TSPOAP1: variants seen among roughly 807,000 people sequenced by gnomAD.
TSPOAP1 encodes TSPO associated protein 1.
A neutral mutation model predicts 197.0 loss-of-function variants in TSPOAP1; 87 were observed. The observed-to-expected ratio is 0.44, with a 90% CI of 0.37 to 0.53. The LOEUF (loss-of-function observed/expected upper bound fraction) is 0.53. Among genes scored for constraint, TSPOAP1 ranks in the 20% least tolerant of loss-of-function variants. TSPOAP1 has a pLI of 0.00. For missense variants in TSPOAP1, 2,174 were observed against 2,411.3 expected (o/e 0.90, Z 2.06); for synonymous variants, 913 against 998.9 (o/e 0.91, Z 1.62).
Position 58,306,986 on chromosome 17 carries a change from G to C in TSPOAP1, c.4984-18C>G. 2 of 1,608,774 alleles carry C rather than the reference G, an allele frequency of 1.2e-6. No homozygotes were observed. The highest frequency in any genetic ancestry group is 1.7e-6 in the Non-Finnish European group (2 of 1,178,568). ...CCAAACACCTGGAGGCAAAACCAGT[G>C]GTCTCAGCCAGTTCTGCTCACTCCC... On this transcript the variant is annotated intron_variant, in intron 24 of 31. Transcript: ENST00000343736.
At chr17:58,321,578 A>T (rs1206042706) in intron 10 of TSPOAP1, among the ~76,000 whole-genome samples, 1 of 152,206 alleles carries the variant, frequency 6.6e-6, no homozygotes, top group Non-Finnish European at 1.5e-5. Flanking sequence ...GATGACAGGC[A>T]TGAGCCACCA....
At chr17:58,321,638 C>T (rs1027363174) in intron 10 of TSPOAP1, among the ~76,000 whole-genome samples, 3 of 152,116 alleles carry the variant, frequency 2.0e-5, no homozygotes, top group African/African-American at 7.2e-5. Context: ...AACTCAAACC[C>T]AGGCACTTGT....
Position 58,319,138 on chromosome 17 carries a change from G to T in TSPOAP1, c.1651C>A (p.Pro551Thr), listed in dbSNP as rs369131510. 6.4e-7 allele frequency: 1 copy of T among 1,550,666 alleles called. No individual in the cohort carries two copies. The highest frequency in any genetic ancestry group is 1.2e-5 in the South Asian group (1 of 84,404). Residue 551 changes from proline (P) to threonine (T), a missense_variant, in exon 13 of 32, where the codon CCC becomes ACC. By Grantham distance (38) the Pro-to-Thr change is conservative (BLOSUM62 -1). Transcript: ENST00000343736. ...GGCTGGGGAATGGAGCAGCAGCAGGGGGGTGGTGGGCAGTCTCCAAGGCTC... is the reference window on the plus strand; with the variant it reads ...GGCTGGGGAATGGAGCAGCAGCAGGTGGGTGGTGGGCAGTCTCCAAGGCTC... ...CGSLGDCPPPPCCCSIPQPCR... is the reference protein window; with the variant it reads ...CGSLGDCPPPTCCCSIPQPCR...
chr17:58,302,332 A>T lies in TSPOAP1; in HGVS notation c.*148T>A. Reference sequence around the variant, plus strand: ...CTTCCCCTTGGAGAAGAAACCCCACACCTTCTCGCTTCTGCCCTGGGGCTC... The same window carrying T: ...CTTCCCCTTGGAGAAGAAACCCCACTCCTTCTCGCTTCTGCCCTGGGGCTC... On this transcript the variant is annotated 3_prime_UTR_variant, in exon 32 of 32. Transcript: ENST00000343736. 1 of 1,289,344 alleles carries T rather than the reference A, an allele frequency of 7.8e-7. No homozygotes were observed. The highest frequency in any genetic ancestry group is 1.0e-6 in the Non-Finnish European group (1 of 988,704). The allele number at this position is 1,289,344 out of a possible 1,614,324, so 79.9% of individuals were successfully genotyped here.
At position 58,324,850 on chromosome 17, in the gene TSPOAP1, C is replaced by T; in HGVS notation, c.903G>A (p.Gln301=). 1.3e-6 allele frequency: 2 copies of T among 1,525,988 alleles called. No individual in the cohort carries two copies. Among genetic ancestry groups the T allele is most frequent in the East Asian group, 2.5e-5 (1 of 40,662 alleles). 94.5% of individuals were successfully genotyped at this position (1,525,988 alleles called of 1,614,324 possible). ...PPSWPPGPAL[Q]ARAGAPAPGA... is the part of the protein sequence containing the mutation. Reference sequence around the variant, plus strand: ...CGGGAGCAGGCGCCCCTGCTCTGGCCTGGAGAGCAGGGCCCGGGGGCCAGG... The same window carrying T: ...CGGGAGCAGGCGCCCCTGCTCTGGCTTGGAGAGCAGGGCCCGGGGGCCAGG... Residue 301 remains glutamine (Q), a synonymous_variant, in exon 5 of 32, where the codon CAG becomes CAA. Transcript: ENST00000343736. This position sits in a 1 kb window ranked among gnomAD's most constrained non-coding sequence, Gnocchi z 5.8.
rs1250388788 is a variant in TSPOAP1, at chr17:58,309,317, G to A, written c.3955C>T (p.Leu1319=). 1 of 1,613,676 alleles carries A rather than the reference G, an allele frequency of 6.2e-7. No individual in the cohort carries two copies. ...DEEILEQILE[L]PLQQFCSKKL... The stretch of plus-strand genomic sequence containing the variant: ...TTGCTACAGAACTGCTGGAGGGGCA[G>A]CTCCAGGATCTGCTCCAAGATCTCC... The change falls in exon 22 of 32, where the codon CTG becomes TTG. Residue 1319 remains leucine, a synonymous_variant. Coordinates refer to ENST00000343736, the MANE Select transcript of TSPOAP1 (RefSeq NM_004758.4). This position sits in a 1 kb window ranked among gnomAD's most constrained non-coding sequence, Gnocchi z 5.0.
Position 58,326,452 on chromosome 17 carries a change from G to A in TSPOAP1, c.442-31C>T, listed in dbSNP as rs757151332. On this transcript the variant is annotated intron_variant, in intron 2 of 31. Coordinates refer to ENST00000343736, the MANE Select transcript of TSPOAP1 (RefSeq NM_004758.4). The surrounding 1 kb of genome is among the most constrained non-coding windows in gnomAD (Gnocchi z 4.7). ...AAGGGGTCAGGCAGAATTGGGGCAT[G>A]TAGGGAGCACCCCACAGACCCAGTC... The A allele has an allele frequency of 3.7e-6, 6 of 1,611,082 alleles. No homozygotes were observed. The African/African-American group carries it at 4.0e-5, about 11-fold the overall frequency.
At position 58,309,989 on chromosome 17, in the gene TSPOAP1, C is replaced by T; in HGVS notation, c.3869G>A (p.Ser1290Asn). Residue 1290 changes from serine (S) to asparagine (N), a missense_variant, in exon 21 of 32, where the codon AGC (serine) becomes AAC (asparagine). This residue lies in a region of TSPOAP1 where 1,933 missense variants were observed against 2,139.0 expected (regional missense o/e 0.90). Transcript: ENST00000343736. This position sits in a 1 kb window ranked among gnomAD's most constrained non-coding sequence, Gnocchi z 5.0. ...TACCTTGGCCCCATTCTCCCTGATGCTGTTGCCAGCAACCTGCTTCTGGAA... is the reference window on the plus strand; with the variant it reads ...TACCTTGGCCCCATTCTCCCTGATGTTGTTGCCAGCAACCTGCTTCTGGAA... ...CSFQKQVAGN[S>N]IRENGAKSQP... is the part of the protein sequence containing the mutation. 2 of 1,613,380 alleles carry T rather than the reference C, an allele frequency of 1.2e-6. No homozygotes were observed. The highest frequency in any genetic ancestry group is 1.7e-6 in the Non-Finnish European group (2 of 1,179,716).
At chr17:58,316,281 C>T (rs1306116966) in intron 15 of TSPOAP1, 144 bp downstream of exon 15, 1 of 1,053,800 alleles carries the variant, frequency 9.5e-7, no homozygotes, top group South Asian at 1.4e-5. Context: ...CTGCACCCAC[C>T]TTGGCCCAAC....
At chr17:58,327,178 C>T (rs929135261) in intron 1 of TSPOAP1, among the ~76,000 whole-genome samples, 12 of 152,076 alleles carry the variant, frequency 7.9e-5, no homozygotes, top group African/African-American at 2.9e-4. Flanking sequence ...CTCAGCCCAG[C>T]ACCAAGCCCC....
intron 25 of TSPOAP1, 60 bp from the exon 26 acceptor site, chr17:58,306,473 C>T: frequency 6.9e-7 from 1 of 1,450,266 alleles, no homozygotes; most frequent in Non-Finnish European, 9.4e-7. Context: ...AGGACTGGGA[C>T]TCTGGAGTTT....
At chr17:58,317,048 T>C (rs1234789685) in intron 14 of TSPOAP1, among the ~76,000 whole-genome samples, 1 of 151,990 alleles carries the variant, frequency 6.6e-6, no homozygotes, top group Admixed American at 6.6e-5. Context: ...ATACAAAAAT[T>C]AGCTGGGTGT....
chr17:58,322,624 C>G lies in TSPOAP1; in HGVS notation c.1317+30G>C. On this transcript the variant is annotated intron_variant, in intron 9 of 31. Transcript: ENST00000343736. This position sits in a 1 kb window ranked among gnomAD's most constrained non-coding sequence, Gnocchi z 5.0. ...ACTTGCTCCCCATGCCAGGGCCCAG[C>G]ACCCTCTCCCACCTGCACCATCTCC... The G allele has an allele frequency of 1.9e-6, 3 of 1,605,070 alleles. No individual in the cohort carries two copies. Among genetic ancestry groups the G allele is most frequent in the Non-Finnish European group, 2.5e-6 (3 of 1,179,526 alleles).
chr17:58,310,042 T>TTCCTCC lies in TSPOAP1; in HGVS notation c.3810_3815dup (p.Glu1273_Glu1274dup), dbSNP rs745797044. 2.8e-5 allele frequency: 45 copies of TTCCTCC among 1,612,634 alleles called. No individual in the cohort carries two copies. The highest frequency in any genetic ancestry group is 1.6e-4 in the Middle Eastern group (1 of 6,084). ...AGCAAGTCCTGGAACCCAGCTCCTCTTCCTCCTCCTCCTCCTCCTCTTCCT... is the reference window on the plus strand; with the variant it reads ...AGCAAGTCCTGGAACCCAGCTCCTCTTCCTCCTCCTCCTCCTCCTCCTCCTCTTCCT... On this transcript the variant is annotated inframe_insertion, in exon 21 of 32. Coordinates refer to ENST00000343736, the MANE Select transcript of TSPOAP1 (RefSeq NM_004758.4).
In TSPOAP1 at chr17:58,305,539, C is replaced by A. The variant is rs1183063471; in HGVS notation, c.5361+1G>T. On this transcript the variant is annotated splice_donor_variant, in intron 28 of 31. Coordinates refer to ENST00000343736, the MANE Select transcript of TSPOAP1 (RefSeq NM_004758.4). LOFTEE classifies it high-confidence loss of function. ...GCTGGGCTCTATCTGAGGGTCCTCA[C>A]CTCCACGTCCATATTGGGGGAACTC... is the stretch of plus-strand genomic sequence containing the variant. 6.2e-7 allele frequency: 1 copy of A among 1,606,336 alleles called. No individual in the cohort carries two copies. Among genetic ancestry groups the A allele is most frequent in the Non-Finnish European group, 8.5e-7 (1 of 1,176,440 alleles).
chr17:58,321,337 G>A (rs969267177), intron 10 of TSPOAP1, among the ~76,000 whole-genome samples: 5 of 149,388 alleles, frequency 3.3e-5, no homozygotes, highest in East Asian at 2.0e-4. Flanking sequence ...TCGCTCTGTC[G>A]CCCAGGCTGG....
Position 58,312,221 on chromosome 17 carries a change from C to A in TSPOAP1, c.2600G>T (p.Ser867Ile). The A allele has an allele frequency of 6.2e-7, 1 of 1,612,870 alleles. No homozygotes were observed. Among genetic ancestry groups the A allele is most frequent in the Non-Finnish European group, 8.5e-7 (1 of 1,179,906 alleles). ...ISVQALTSRG[S>I]SDPLRCCLAV... ...CAAGCAACAGCGCAGTGGGTCAGAGCTGCCCCGGCTAGTCAGGGCCTGGAC... is the reference window on the plus strand; with the variant it reads ...CAAGCAACAGCGCAGTGGGTCAGAGATGCCCCGGCTAGTCAGGGCCTGGAC... Residue 867 changes from serine to isoleucine, a missense_variant, in exon 17 of 32, where the codon AGC (serine) becomes ATC (isoleucine). Coordinates refer to ENST00000343736, the MANE Select transcript of TSPOAP1 (RefSeq NM_004758.4).
chr17:58,310,999 C>T lies in TSPOAP1; in HGVS notation c.3296G>A (p.Arg1099Lys). The T allele has an allele frequency of 1.2e-6, 2 of 1,600,316 alleles. No homozygotes were observed. Among genetic ancestry groups the T allele is most frequent in the African/African-American group, 1.3e-5 (1 of 74,706 alleles). Residue 1099 changes from arginine (R) to lysine (K), a missense_variant, in exon 19 of 32, where the codon AGA (arginine) becomes AAA (lysine). Coordinates refer to ENST00000343736, the MANE Select transcript of TSPOAP1 (RefSeq NM_004758.4). ...CPSPHPSPEA[R>K]APLASASPGP... is the part of the protein sequence containing the mutation. ...TGGGGAGGCTGAAGCAAGGGGCGCT[C>T]TGGCCTCTGGGCTTGGGTGCGGTGA...
chr17:58,310,915 G>A lies in TSPOAP1; in HGVS notation c.3380C>T (p.Pro1127Leu). 6.4e-7 allele frequency: 1 copy of A among 1,551,478 alleles called. No homozygotes were observed. Among genetic ancestry groups the A allele is most frequent in the Non-Finnish European group, 8.7e-7 (1 of 1,154,330 alleles). ...AGGGCTTGCAGGGGGTGCTCCTGGA[G>A]GCTCTTGAGTTCCAAGGGGAGCAGG... ...QHPAPLGTQEPPGAPPASPSR... is the reference protein window; with the variant it reads ...QHPAPLGTQELPGAPPASPSR... Residue 1127 changes from proline (P) to leucine (L), a missense_variant, in exon 19 of 32, where the codon CCT becomes CTT. Pro to Leu is a moderately conservative substitution (Grantham distance 98, BLOSUM62 -3). This residue lies in a region of TSPOAP1 where 1,933 missense variants were observed against 2,139.0 expected (regional missense o/e 0.90). Transcript: ENST00000343736.
Sources: gnomAD v4.1 joint callset for allele counts (sites outside exome capture counted in the v4.1 genomes callset) on GRCh38, gnomAD v4.1.1 for gene constraint, gnomAD v4.1.1 regional missense constraint, Gnocchi (gnomAD v3.1) non-coding constraint, MANE v1.5 for transcripts, NCBI Gene and HGNC (gene_info 2026-07-23, HGNC 2026-07-21) for gene names.